SDC4: variants seen among roughly 807,000 people sequenced by gnomAD.
SDC4 encodes the protein syndecan-4.
A neutral mutation model predicts 20.5 loss-of-function variants in SDC4; 17 were observed. The observed-to-expected ratio is 0.83, with a 90% CI of 0.57 to 1.25. The LOEUF is 1.25. Ranked by LOEUF, SDC4 falls within the 50% of genes most tolerant of loss-of-function variation. SDC4 has a pLI of 0.00. For synonymous variants in SDC4, 107 were observed against 105.3 expected (o/e 1.02, Z -0.10); for missense variants, 241 against 252.3 (o/e 0.96, Z 0.30).
intron 4 of SDC4, among the ~76,000 whole-genome samples, chr20:45,328,764 G>C (rs562788284): frequency 1.3e-5 from 2 of 152,314 alleles, no homozygotes; most frequent in East Asian, 3.9e-4. Flanking sequence ...AATGGGGACA[G>C]AGTGGCACAG....
At chr20:45,347,951 C>T (rs1988057255) in intron 1 of SDC4, among the ~76,000 whole-genome samples, 1 of 152,106 alleles carries the variant, frequency 6.6e-6, no homozygotes, top group Non-Finnish European at 1.5e-5. Context: ...GCTGTCTGCT[C>T]TGGGCGCCCC....
chr20:45,348,257 G>T, intron 1 of SDC4, 68 bp downstream of exon 1: 3 of 1,129,298 alleles, frequency 2.7e-6, no homozygotes, highest in African/African-American at 1.9e-5. Flanking sequence ...CCCACGCTCC[G>T]ACGAACAAAG....
intron 1 of SDC4, among the ~76,000 whole-genome samples, chr20:45,336,171 G>A (rs1410733334): frequency 6.6e-6 from 1 of 152,186 alleles, no homozygotes; most frequent in African/African-American, 2.4e-5. Context: ...CCAACACTTT[G>A]GGAGGCGGAG....
chr20:45,344,725 C>T (rs1202769549), intron 1 of SDC4, among the ~76,000 whole-genome samples: 2 of 152,204 alleles, frequency 1.3e-5, no homozygotes, highest in African/African-American at 4.8e-5. Context: ...TGTTTAGACT[C>T]TTCACCAAGG....
intron 1 of SDC4, among the ~76,000 whole-genome samples, chr20:45,344,296 C>A (rs1381613776): frequency 9.6e-6 from 1 of 104,692 alleles, no homozygotes; most frequent in African/African-American, 3.1e-5. Context: ...TATGTCCCCT[C>A]GAGCCCCGGA....
intron 1 of SDC4, among the ~76,000 whole-genome samples, chr20:45,341,898 C>T (rs889934856): frequency 3.9e-5 from 6 of 152,172 alleles, no homozygotes; most frequent in Non-Finnish European, 5.9e-5. Context: ...CCTGGATGAT[C>T]GTGGACAATT....
At position 45,333,055 on chromosome 20, in the gene SDC4, A is replaced by G; in HGVS notation, c.214T>C (p.Ser72Pro). 6.2e-7 allele frequency: 1 copy of G among 1,614,194 alleles called. No homozygotes were observed. The highest frequency in any genetic ancestry group is 2.2e-5 in the East Asian group (1 of 44,882). Residue 72 changes from serine (S) to proline (P), a missense_variant, in exon 3 of 5, where the codon TCC (serine) becomes CCC (proline). Transcript: ENST00000372733. ...GSGDLDDLED[S>P]MIGPEVVHPL... ...TGGACAACTTCAGGGCCGATCATGGAGTCTTCCAAGTCATCTGTAAGGTCA... is the reference window on the plus strand; with the variant it reads ...TGGACAACTTCAGGGCCGATCATGGGGTCTTCCAAGTCATCTGTAAGGTCA...
In SDC4 at chr20:45,335,891, C is replaced by T; in HGVS notation, c.90G>A (p.Gln30=). Residue 30 remains glutamine (Q), a synonymous_variant, in exon 2 of 5, where the codon CAG becomes CAA. Coordinates refer to ENST00000372733, the MANE Select transcript of SDC4 (RefSeq NM_002999.4). ...AGAAGTATCGGCCTTCTAGGAGGTC[C>T]TGGGGGTCGATGACCTCAGTCTCTC... ...SIRETEVIDP[Q]DLLEGRYFSG... is the part of the protein sequence containing the mutation. The T allele has an allele frequency of 6.2e-7, 1 of 1,613,542 alleles. No homozygotes were observed. Among genetic ancestry groups the T allele is most frequent in the Non-Finnish European group, 8.5e-7 (1 of 1,179,932 alleles).
intron 1 of SDC4, among the ~76,000 whole-genome samples, chr20:45,343,750 C>T (rs1412310223): frequency 6.6e-6 from 1 of 152,134 alleles, no homozygotes; most frequent in African/African-American, 2.4e-5. Flanking sequence ...GAGATAGGAC[C>T]CCCTGGCATG....
chr20:45,333,045 C>A lies in SDC4; in HGVS notation c.224G>T (p.Gly75Val), dbSNP rs1421645350. The A allele has an allele frequency of 6.2e-7, 1 of 1,614,080 alleles. No homozygotes were observed. Among genetic ancestry groups the A allele is most frequent in the East Asian group, 2.2e-5 (1 of 44,894 alleles). ...DLDDLEDSMI[G>V]PEVVHPLVPL... ...TACCAAGGGATGGACAACTTCAGGGCCGATCATGGAGTCTTCCAAGTCATC... is the reference window on the plus strand; with the variant it reads ...TACCAAGGGATGGACAACTTCAGGGACGATCATGGAGTCTTCCAAGTCATC... The change falls in exon 3 of 5, where the codon GGC becomes GTC. Residue 75 changes from glycine to valine, a missense_variant. Coordinates refer to ENST00000372733, the MANE Select transcript of SDC4 (RefSeq NM_002999.4).
At chr20:45,332,959 C>T (rs1987801164) in intron 3 of SDC4, 64 bp downstream of exon 3, 1 of 1,466,202 alleles carries the variant, frequency 6.8e-7, no homozygotes, top group African/African-American at 1.4e-5. Context: ...GTATTTTCTG[C>T]CTCTCCCAAT....
At chr20:45,345,508 C>T (rs1211335256) in intron 1 of SDC4, 1 of 152,182 alleles carries the variant, frequency 6.6e-6, no homozygotes, top group Non-Finnish European at 1.5e-5. Flanking sequence ...CAAGAAGTCC[C>T]AAGAGCTCTC....
chr20:45,335,773 C>CTTCCGTA lies in SDC4; in HGVS notation c.199+2_199+8dup, dbSNP rs1178003794. On this transcript the variant is annotated intron_variant, in intron 2 of 4. Coordinates refer to ENST00000372733, the MANE Select transcript of SDC4 (RefSeq NM_002999.4). ...TTGTGCCTACGCCTGCCCAGCACAC[C>CTTCCGTA]TTCCGTACCCAGATCTCCAGAGCCA... 1 of 1,613,136 alleles carries CTTCCGTA rather than the reference C, an allele frequency of 6.2e-7. No homozygotes were observed. The highest frequency in any genetic ancestry group is 1.7e-5 in the Admixed American group (1 of 60,000).
rs182219635 is a variant in SDC4, at chr20:45,329,370, T to C, written c.445+996A>G. On this transcript the variant is annotated intron_variant, in intron 4 of 4. Coordinates refer to ENST00000372733, the MANE Select transcript of SDC4 (RefSeq NM_002999.4). ...TTTTCAAATTTTTCTTTAGAAGCAATAGCACCTTTAGTTAATTAGAGCAAA... is the reference window on the plus strand; with the variant it reads ...TTTTCAAATTTTTCTTTAGAAGCAACAGCACCTTTAGTTAATTAGAGCAAA... 4.1e-3 allele frequency among the ~76,000 whole-genome samples: 622 copies of C among 152,344 alleles called. 6 individuals are homozygous for C. Among genetic ancestry groups the C allele is most frequent in the Non-Finnish European group, 4.7e-3 (323 of 68,022 alleles).
rs780238663 is a variant in SDC4 at position 45,330,509 on chromosome 20, G to C, written c.302C>G (p.Thr101Ser). ...ERAGSGSQVP[T>S]EPKKLEENEV... Reference sequence around the variant, plus strand: ...ATTCTCCTCTAGTTTCTTGGGTTCGGTGGGGACTTGGCTCCCAGACCCTGC... The same window carrying C: ...ATTCTCCTCTAGTTTCTTGGGTTCGCTGGGGACTTGGCTCCCAGACCCTGC... Residue 101 changes from threonine (T) to serine (S), a missense_variant, in exon 4 of 5, where the codon ACC (threonine) becomes AGC (serine). Thr to Ser is a moderately conservative substitution (Grantham distance 58, BLOSUM62 1). Coordinates refer to ENST00000372733, the MANE Select transcript of SDC4 (RefSeq NM_002999.4). 1 of 1,614,174 alleles carries C rather than the reference G, an allele frequency of 6.2e-7. No individual in the cohort carries two copies. The highest frequency in any genetic ancestry group is 8.5e-7 in the Non-Finnish European group (1 of 1,180,042).
At chr20:45,327,774 G>C (rs1253112350) in intron 4 of SDC4, among the ~76,000 whole-genome samples, 2 of 152,232 alleles carry the variant, frequency 1.3e-5, no homozygotes, top group African/African-American at 4.8e-5. Flanking sequence ...CTCCTGAGTA[G>C]CTGGGATTAT....
At chr20:45,340,563 G>A (rs1987940212) in intron 1 of SDC4, among the ~76,000 whole-genome samples, 1 of 152,214 alleles carries the variant, frequency 6.6e-6, no homozygotes, top group East Asian at 1.9e-4. Flanking sequence ...AGTAAACAAA[G>A]GTGAAAGTGA....
At chr20:45,339,301 C>T (rs979636479) in intron 1 of SDC4, among the ~76,000 whole-genome samples, 10 of 152,390 alleles carry the variant, frequency 6.6e-5, no homozygotes, top group Middle Eastern at 3.4e-3. Context: ...GGACCCCGCC[C>T]TGCTCCTGGC....
chr20:45,336,000 G>A lies in SDC4; in HGVS notation c.61-80C>T, dbSNP rs551995485. On this transcript the variant is annotated intron_variant, in intron 1 of 4. Coordinates refer to ENST00000372733, the MANE Select transcript of SDC4 (RefSeq NM_002999.4). ...TGATGCCCAAAAGCTAGTGAAGTGG[G>A]CATTCAGAAACTAGAAAGAGACCAG... 29 of 1,503,682 alleles carry A rather than the reference G, an allele frequency of 1.9e-5. 1 individual carries two copies. Among genetic ancestry groups the A allele is most frequent in the African/African-American group, 1.8e-4 (13 of 72,712 alleles). 93.1% of individuals were successfully genotyped at this position (1,503,682 alleles called of 1,614,324 possible).
Sources: gnomAD v4.1 joint callset for allele counts (sites outside exome capture counted in the v4.1 genomes callset) on GRCh38, gnomAD v4.1.1 for gene constraint, MANE v1.5 for transcripts, NCBI Gene and HGNC (gene_info 2026-07-23, HGNC 2026-07-21) for gene names.